Variants in SDK1 observed in about 807,000 individuals in gnomAD.
The protein encoded by SDK1 is protein sidekick-1.
A neutral mutation model predicts 245.5 loss-of-function variants in SDK1; 157 were observed. The observed-to-expected ratio is 0.64, with a 90% CI of 0.56 to 0.73. The LOEUF (loss-of-function observed/expected upper bound fraction) is 0.73, where lower values mean the gene tolerates loss of function less well. SDK1 is among the 30% of genes least tolerant of loss of function. The probability of loss-of-function intolerance (pLI) is 0.00; values close to 1 mark genes in which losing one functional copy is unlikely to be tolerated. For synonymous variants in SDK1, 1,647 were observed against 1,278.5 expected, an observed-to-expected ratio of 1.29 and a Z score of -6.15; for missense variants, 3,583 against 3,002.3, an observed-to-expected ratio of 1.19 and a Z score of -4.52.
intron 4 of SDK1, among the ~76,000 whole-genome samples, chr7:3,809,753 A>G (rs1433329949): frequency 6.6e-6 from 1 of 152,228 alleles, no homozygotes; most frequent in Non-Finnish European, 1.5e-5. Context: ...TGCGGGCAGC[A>G]TCACGTGGAG....
chr7:3,339,408 C>G (rs1262425631), intron 1 of SDK1, among the ~76,000 whole-genome samples: 1 of 152,058 alleles, frequency 6.6e-6, no homozygotes, highest in East Asian at 1.9e-4. Context: ...ACCAAATCAG[C>G]AAGAATATAG....
At chr7:4,097,758 T>C (rs1782251287) in intron 22 of SDK1, among the ~76,000 whole-genome samples, 2 of 152,188 alleles carry the variant, frequency 1.3e-5, no homozygotes, top group African/African-American at 4.8e-5. Flanking sequence ...TCTGTGGCCC[T>C]TTGGATAAGT....
At position 4,249,716 on chromosome 7, in the gene SDK1, G is replaced by C. The variant is rs568510696; in HGVS notation, c.6381+3911G>C. ...GAGCTCTTTGCTAGGTAACCTTGCT[G>C]CATCCTGCTTTTGAAGCTTATGAAT... is the stretch of plus-strand genomic sequence containing the variant. On this transcript the variant is annotated intron_variant, in intron 44 of 44. Transcript: ENST00000404826. Among the ~76,000 whole-genome samples, 519 of 152,306 alleles carry C rather than the reference G, an allele frequency of 3.4e-3. 4 individuals carry two copies. The highest frequency in any genetic ancestry group is 0.012 in the African/African-American group (500 of 41,562).
At chr7:3,956,835 T>C (rs1477861718) in intron 7 of SDK1, among the ~76,000 whole-genome samples, 1 of 152,128 alleles carries the variant, frequency 6.6e-6, no homozygotes, top group East Asian at 1.9e-4. Context: ...ATGCACTTGC[T>C]CAGCCAAGCC....
intron 21 of SDK1, among the ~76,000 whole-genome samples, chr7:4,078,269 A>T (rs1331331327): frequency 1.3e-5 from 2 of 152,200 alleles, no homozygotes; most frequent in Admixed American, 1.3e-4. Context: ...AGGCAAATCA[A>T]ATGGCGAGGA....
chr7:3,453,936 T>A (rs527344679), intron 1 of SDK1, among the ~76,000 whole-genome samples: 7 of 152,274 alleles, frequency 4.6e-5, no homozygotes, highest in Non-Finnish European at 1.0e-4. Context: ...GTAATCACAT[T>A]CATTTCCTGA....
At chr7:3,787,924 GA>G (rs1375783637) in intron 4 of SDK1, among the ~76,000 whole-genome samples, 5 of 152,198 alleles carry the variant, frequency 3.3e-5, no homozygotes. Flanking sequence ...CGGTTGCACA[GA>G]AGCCACTCTC....
chr7:3,315,900 A>G (rs940695894), intron 1 of SDK1, among the ~76,000 whole-genome samples: 10 of 152,184 alleles, frequency 6.6e-5, no homozygotes, highest in Admixed American at 6.5e-4. Flanking sequence ...TGTTGGAAAA[A>G]AGCATGCCAT....
At chr7:4,138,997 C>T (rs1779281471) in intron 28 of SDK1, among the ~76,000 whole-genome samples, 1 of 152,188 alleles carries the variant, frequency 6.6e-6, no homozygotes, top group South Asian at 2.1e-4. Flanking sequence ...CAAGGGGTGC[C>T]CCCAACAGCC....
chr7:4,085,246 T>G (rs774095934), intron 22 of SDK1, among the ~76,000 whole-genome samples: 1 of 152,228 alleles, frequency 6.6e-6, no homozygotes, highest in Non-Finnish European at 1.5e-5. Context: ...ATTAGGAGTT[T>G]CAAAATTATA....
chr7:4,156,365 A>G (rs1780736402), intron 30 of SDK1, among the ~76,000 whole-genome samples: 1 of 152,202 alleles, frequency 6.6e-6, no homozygotes, highest in African/African-American at 2.4e-5. Flanking sequence ...TGTCTACCAG[A>G]ACTCTGGAGC....
At chr7:3,748,654 C>A (rs538399958) in intron 4 of SDK1, among the ~76,000 whole-genome samples, 1 of 152,164 alleles carries the variant, frequency 6.6e-6, no homozygotes, top group Non-Finnish European at 1.5e-5. Flanking sequence ...TCAGTTTCCT[C>A]ATGCTTCATG....
intron 17 of SDK1, among the ~76,000 whole-genome samples, chr7:4,025,400 G>A (rs1787262494): frequency 1.3e-5 from 2 of 152,236 alleles, no homozygotes; most frequent in African/African-American, 4.8e-5. Context: ...GCACATAGCG[G>A]AGGACTGGGG....
intron 22 of SDK1, among the ~76,000 whole-genome samples, chr7:4,093,839 T>C (rs1243204000): frequency 6.6e-6 from 1 of 152,200 alleles, no homozygotes; most frequent in Non-Finnish European, 1.5e-5. Flanking sequence ...GCTGAGGCAC[T>C]CACCTGCGAG....
At chr7:3,809,773 A>G (rs563421676) in intron 4 of SDK1, among the ~76,000 whole-genome samples, 1 of 152,228 alleles carries the variant, frequency 6.6e-6, no homozygotes, top group Admixed American at 6.5e-5. Context: ...GCGAGGGTCA[A>G]GTCCTCTGCC....
chr7:3,824,626 C>T (rs1249888953), intron 5 of SDK1, among the ~76,000 whole-genome samples: 4 of 152,140 alleles, frequency 2.6e-5, no homozygotes, highest in South Asian at 2.1e-4. Context: ...ATAAGTGATG[C>T]GCTGTCACCC....
chr7:3,522,420 T>C (rs1234670356), intron 1 of SDK1, among the ~76,000 whole-genome samples: 3 of 152,172 alleles, frequency 2.0e-5, no homozygotes, highest in Non-Finnish European at 2.9e-5. Context: ...TGGCTACTCT[T>C]AGAAACAATT....
At position 3,777,019 on chromosome 7, in the gene SDK1, C is replaced by T. The variant is rs148074595; in HGVS notation, c.714-44431C>T. ...CACGTTCACCTCTCTTCTGCCCCAG[C>T]GCCTCAGATACCTGCTTCCTCACTG... On this transcript the variant is annotated intron_variant, in intron 4 of 44. Coordinates refer to ENST00000404826, the MANE Select transcript of SDK1 (RefSeq NM_152744.4). Among the ~76,000 whole-genome samples, 696 of 152,284 alleles carry T rather than the reference C, an allele frequency of 4.6e-3. 5 individuals are homozygous for T. Among genetic ancestry groups the T allele is most frequent in the Admixed American group, 8.9e-3 (136 of 15,298 alleles).
At chr7:3,660,532 C>T (rs963441289) in intron 4 of SDK1, among the ~76,000 whole-genome samples, 2 of 152,160 alleles carry the variant, frequency 1.3e-5, no homozygotes, top group Non-Finnish European at 2.9e-5. Context: ...TCTTTTGTCA[C>T]CTTTTGAGTA....
Sources: gnomAD v4.1 joint callset for allele counts (sites outside exome capture counted in the v4.1 genomes callset) on GRCh38, gnomAD v4.1.1 for gene constraint, MANE v1.5 for transcripts, NCBI Gene and HGNC (gene_info 2026-07-23, HGNC 2026-07-21) for gene names.